Variants in RAVER2 observed in about 807,000 individuals in gnomAD.
RAVER2 encodes the protein ribonucleoprotein PTB-binding 2.
A neutral mutation model predicts 78.1 loss-of-function variants in RAVER2; 46 were observed. That is an observed-to-expected ratio of 0.59 (90% confidence interval 0.46 to 0.75). RAVER2 has a LOEUF of 0.75. RAVER2 is among the 30% of genes least tolerant of loss of function. The pLI, the probability that RAVER2 is intolerant of heterozygous loss-of-function variation, is 0.00. For missense variants in RAVER2, 793 were observed against 837.5 expected (o/e 0.95, Z 0.66); for synonymous variants, 311 against 313.3 (o/e 0.99, Z 0.08).
chr1:64,749,940 TC>T (rs1396690510), intron 1 of RAVER2, among the ~76,000 whole-genome samples: 1 of 152,236 alleles, frequency 6.6e-6, no homozygotes, highest in Admixed American at 6.5e-5. Flanking sequence ...AGGTTTTTTT[TC>T]TTACAGGTCT....
intron 9 of RAVER2, 45 bp from the exon 10 acceptor site, chr1:64,812,693 G>C (rs374089853): frequency 8.0e-7 from 1 of 1,253,734 alleles, no homozygotes; most frequent in African/African-American, 1.5e-5. Flanking sequence ...TTTTATTTTC[G>C]TGTACCTCTC....
chr1:64,805,078 G>C, exon 8 of RAVER2: 1 of 1,613,940 alleles, frequency 6.2e-7, no homozygotes, highest in Non-Finnish European at 8.5e-7. Flanking sequence ...AAAGGAGTTG[G>C]GACATCATCA....
intron 11 of RAVER2, among the ~76,000 whole-genome samples, chr1:64,825,002 C>T (rs1653976100): frequency 6.9e-6 from 1 of 144,366 alleles, no homozygotes; most frequent in Non-Finnish European, 1.5e-5. Flanking sequence ...TCGTTAAATC[C>T]AAAGTTAGGA....
In RAVER2 at chr1:64,809,420, A is replaced by G. The variant is rs1450055763; in HGVS notation, c.1680+1946A>G. Among the ~76,000 whole-genome samples the G allele has an allele frequency of 2.0e-5, 3 of 152,050 alleles. No homozygotes were observed. In the East Asian group the frequency reaches 5.8e-4, roughly 29 times the overall value. On this transcript the variant is annotated intron_variant, in intron 9 of 11. Coordinates refer to ENST00000294428, the Ensembl canonical transcript of RAVER2. ...CTTTGCTTCAGATGTTTAGACCTGC[A>G]TCTTTAATATTGTGTTGGCCAGTAA...
intron 5 of RAVER2, among the ~76,000 whole-genome samples, chr1:64,795,733 T>C (rs938024230): frequency 1.3e-5 from 2 of 152,124 alleles, no homozygotes; most frequent in Non-Finnish European, 2.9e-5. Flanking sequence ...TAGATGATTA[T>C]GTTATCTACA....
At chr1:64,750,046 A>G (rs1365059118) in intron 1 of RAVER2, among the ~76,000 whole-genome samples, 1 of 152,192 alleles carries the variant, frequency 6.6e-6, no homozygotes, top group Non-Finnish European at 1.5e-5. Flanking sequence ...TGAAGTGCTT[A>G]GGGCCAACAT....
chr1:64,803,018 C>T (rs1443350938), exon 6 of RAVER2: 1 of 1,609,672 alleles, frequency 6.2e-7, no homozygotes, highest in Non-Finnish European at 8.5e-7. Flanking sequence ...CTGATGAATC[C>T]ATCCATCTCT....
intron 4 of RAVER2, among the ~76,000 whole-genome samples, chr1:64,785,461 C>T (rs1337098362): frequency 6.6e-6 from 1 of 151,376 alleles, no homozygotes; most frequent in Non-Finnish European, 1.5e-5. Flanking sequence ...CCTCCGCCTG[C>T]CGGGTTCAAG....
exon 12 of RAVER2, chr1:64,830,843 C>T (rs1433341334): frequency 3.1e-6 from 5 of 1,599,306 alleles, no homozygotes; most frequent in Non-Finnish European, 4.3e-6. Flanking sequence ...TCATAGGTGT[C>T]ATCTTTAAGA....
chr1:64,830,014 T>C (rs1036606578), intron 11 of RAVER2, among the ~76,000 whole-genome samples: 3 of 152,230 alleles, frequency 2.0e-5, no homozygotes, highest in African/African-American at 7.2e-5. Context: ...TCAAAAACAA[T>C]TGCAGTTTTA....
At chr1:64,795,133 A>G (rs1653061281) in intron 5 of RAVER2, among the ~76,000 whole-genome samples, 1 of 152,176 alleles carries the variant, frequency 6.6e-6, no homozygotes, top group South Asian at 2.1e-4. Context: ...GCATGAGGCT[A>G]TAACTAAACT....
rs202141314 is a variant in RAVER2 at position 64,781,526 on chromosome 1, G to A, written c.933G>A (p.Ala311=). Reference sequence around the variant, plus strand: ...AGGTTTCCTTCTGTGCTCCTGGAGCGCCAGGGCGAAGTACATTAGCAGCAT... The same window carrying A: ...AGGTTTCCTTCTGTGCTCCTGGAGCACCAGGGCGAAGTACATTAGCAGCAT... Residue 311 remains alanine (A), a synonymous_variant, in exon 4 of 12, where the codon GCG becomes GCA. Coordinates refer to ENST00000294428, the Ensembl canonical transcript of RAVER2. The A allele has an allele frequency of 1.9e-5, 30 of 1,614,088 alleles. No homozygotes were observed. In the African/African-American group the frequency reaches 2.4e-4, roughly 13 times the overall value.
intron 11 of RAVER2, among the ~76,000 whole-genome samples, chr1:64,823,676 C>A (rs1476709806): frequency 6.6e-6 from 1 of 152,176 alleles, no homozygotes; most frequent in East Asian, 1.9e-4. Flanking sequence ...ACATTTCACC[C>A]TTCCCCTTTT....
chr1:64,746,931 AG>A (rs1472005231), intron 1 of RAVER2, among the ~76,000 whole-genome samples: 4 of 152,242 alleles, frequency 2.6e-5, no homozygotes, highest in Non-Finnish European at 5.9e-5. Flanking sequence ...CTAGGAGGAG[AG>A]AAATAGAGAA....
chr1:64,777,443 C>A (rs567378486), intron 2 of RAVER2, among the ~76,000 whole-genome samples, 180 bp from the exon 3 acceptor site: 1 of 152,024 alleles, frequency 6.6e-6, no homozygotes, highest in Non-Finnish European at 1.5e-5. Flanking sequence ...CATTAAAAAA[C>A]GCACTGAAAT....
intron 9 of RAVER2, among the ~76,000 whole-genome samples, chr1:64,811,340 A>G (rs1044433593): frequency 2.0e-5 from 3 of 152,218 alleles, no homozygotes; most frequent in South Asian, 2.1e-4. Flanking sequence ...TGCTTATTGC[A>G]GTAAAAAGTG....
In RAVER2 at chr1:64,829,921, A is replaced by G. The variant is rs569872491; in HGVS notation, c.1930-918A>G. Reference sequence around the variant, plus strand: ...CCTCTAACATGGACCACTGAGAACTACTTTAGCAAGGAGTTGAGAGAGACC... The same window carrying G: ...CCTCTAACATGGACCACTGAGAACTGCTTTAGCAAGGAGTTGAGAGAGACC... On this transcript the variant is annotated intron_variant, in intron 11 of 11. Transcript: ENST00000294428. Among the ~76,000 whole-genome samples, 5 of 152,258 alleles carry G rather than the reference A, an allele frequency of 3.3e-5. No homozygotes were observed. In the East Asian group the frequency reaches 7.7e-4, roughly 24 times the overall value.
At chr1:64,799,711 GA>G (rs1653205778) in intron 5 of RAVER2, among the ~76,000 whole-genome samples, 1 of 152,136 alleles carries the variant, frequency 6.6e-6, no homozygotes, top group South Asian at 2.1e-4. Flanking sequence ...AAAGTGCTGG[GA>G]TTACAGGTGT....
At chr1:64,759,461 C>T (rs558184236) in intron 1 of RAVER2, among the ~76,000 whole-genome samples, 7 of 151,252 alleles carry the variant, frequency 4.6e-5, no homozygotes, top group Non-Finnish European at 8.8e-5. Context: ...CCTTGTGATC[C>T]GCCCGCCTCG....
Sources: allele counts gnomAD v4.1 joint callset (sites outside exome capture counted in the v4.1 genomes callset), GRCh38; gene constraint gnomAD v4.1.1; transcripts MANE v1.5; gene names NCBI Gene and HGNC (gene_info 2026-07-23, HGNC 2026-07-21).